The following DOCK8 variants were observed in gnomAD, a reference collection of about 807,000 sequenced individuals.
DOCK8 encodes the protein dedicator of cytokinesis 8.
DOCK8 carries 141 observed loss-of-function variants against 245.6 expected under a neutral mutation model. That is an observed-to-expected ratio of 0.57 (90% CI 0.50 to 0.66). The LOEUF (loss-of-function observed/expected upper bound fraction) is 0.66. Among genes scored for constraint, DOCK8 ranks in the 30% least tolerant of loss-of-function variants. DOCK8 has a pLI of 0.00. For synonymous variants in DOCK8, 1,168 were observed against 970.2 expected, an observed-to-expected ratio of 1.20 and a Z score of -3.79; for missense variants, 2,965 against 2,603.4, an observed-to-expected ratio of 1.14 and a Z score of -3.02.
intron 4 of DOCK8, among the ~76,000 whole-genome samples, chr9:303,937 T>C (rs1279535128): frequency 6.6e-6 from 1 of 152,250 alleles, no homozygotes; most frequent in Non-Finnish European, 1.5e-5. Context: ...TGTTGGTTTC[T>C]CTAGTCATCA....
chr9:346,472 C>T (rs886412006), intron 14 of DOCK8, among the ~76,000 whole-genome samples: 3 of 152,140 alleles, frequency 2.0e-5, no homozygotes, highest in South Asian at 2.1e-4. Context: ...AGCTCCCTGC[C>T]GTCCCTTTAA....
At chr9:213,302 G>T (rs1045788095), upstream of DOCK8, 7 of 152,128 alleles carry the variant, frequency 4.6e-5, no homozygotes, top group African/African-American at 1.4e-4. Context: ...AAGGAAGGCT[G>T]TATCAGGAAG....
chr9:271,455 T>C lies in DOCK8; in HGVS notation c.54-172T>C, dbSNP rs682251. 0.58 allele frequency among the ~76,000 whole-genome samples: 87,671 copies of C among 151,978 alleles called. 25,483 individuals carry two copies. The highest frequency in any genetic ancestry group is 0.79 in the East Asian group (4,087 of 5,156). On this transcript the variant is annotated intron_variant, in intron 1 of 47. Transcript: ENST00000432829. The stretch of plus-strand genomic sequence containing the variant: ...GAACTTCTCAAGGGTATGTATTATC[T>C]GACAAAAACTACGATGTCCACTAAC...
chr9:279,351 G>A (rs188642101), intron 2 of DOCK8, among the ~76,000 whole-genome samples: 5 of 152,326 alleles, frequency 3.3e-5, no homozygotes, highest in African/African-American at 1.2e-4. Flanking sequence ...AGTTGAGGCT[G>A]CAGATATAAA....
intron 1 of DOCK8, among the ~76,000 whole-genome samples, chr9:241,815 A>T (rs545665955): frequency 8.1e-4 from 124 of 152,182 alleles, no homozygotes; most frequent in African/African-American, 2.9e-3. Context: ...GAATAGGTAA[A>T]TTTTTTTCAA....
rs545155569 is a variant in DOCK8 at position 247,695 on chromosome 9, G to C, written c.54-23932G>C. On this transcript the variant is annotated intron_variant, in intron 1 of 47. Transcript: ENST00000432829. Reference sequence around the variant, plus strand: ...AATACAGGCACCCACCACCACGCCCGGCTAATTTTTTGTATTTTTTTTTAG... The same window carrying C: ...AATACAGGCACCCACCACCACGCCCCGCTAATTTTTTGTATTTTTTTTTAG... 1.3e-3 allele frequency among the ~76,000 whole-genome samples: 200 copies of C among 152,008 alleles called. 2 individuals carry two copies. The Middle Eastern group carries it at 0.024, about 18-fold the overall frequency.
At chr9:395,143 C>T (rs930437795) in intron 24 of DOCK8, among the ~76,000 whole-genome samples, 2 of 152,154 alleles carry the variant, frequency 1.3e-5, no homozygotes, top group Non-Finnish European at 2.9e-5. Context: ...TTCGGGTCTT[C>T]TCACCAGGTG....
chr9:293,745 CTG>C, intron 4 of DOCK8, among the ~76,000 whole-genome samples: 1 of 152,328 alleles, frequency 6.6e-6, no homozygotes, highest in South Asian at 2.1e-4. Flanking sequence ...TCCAGTTTTT[CTG>C]TGTCTTCATA....
At position 435,223 on chromosome 9, in the gene DOCK8, C is replaced by G. The variant is rs559921593; in HGVS notation, c.5079+248C>G. 1.4e-4 allele frequency among the ~76,000 whole-genome samples: 22 copies of G among 152,292 alleles called. 1 individual carries two copies. The South Asian group carries it at 4.4e-3, about 30-fold the overall frequency. On this transcript the variant is annotated intron_variant, in intron 39 of 47. Coordinates refer to ENST00000432829, the MANE Select transcript of DOCK8 (RefSeq NM_203447.4). Reference sequence around the variant, plus strand: ...TCTGTAGTGCTAAGGTTGAAAAATTCCAAGTTCATACATTACATTTGCTTC... The same window carrying G: ...TCTGTAGTGCTAAGGTTGAAAAATTGCAAGTTCATACATTACATTTGCTTC...
At chr9:387,273 C>G (rs1231876588) in intron 23 of DOCK8, among the ~76,000 whole-genome samples, 7 of 151,836 alleles carry the variant, frequency 4.6e-5, no homozygotes, top group African/African-American at 1.5e-4. Flanking sequence ...GTGAAACCCC[C>G]TCCTACTAAA....
intron 14 of DOCK8, among the ~76,000 whole-genome samples, chr9:360,309 C>T (rs1015101093): frequency 6.8e-6 from 1 of 146,970 alleles, no homozygotes; most frequent in Non-Finnish European, 1.5e-5. Context: ...GAGCAAGACT[C>T]CATCTCAAAA....
At chr9:244,524 T>A (rs1034322610) in intron 1 of DOCK8, among the ~76,000 whole-genome samples, 1 of 152,160 alleles carries the variant, frequency 6.6e-6, no homozygotes, top group African/African-American at 2.4e-5. Context: ...ATCATGTGAT[T>A]GCCTACTTAA....
At chr9:438,600 T>C (rs944395796) in intron 39 of DOCK8, among the ~76,000 whole-genome samples, 22 of 152,232 alleles carry the variant, frequency 1.4e-4, no homozygotes, top group Non-Finnish European at 2.4e-4. Context: ...AAATTTTGTC[T>C]TGGGTTTCTC....
Position 252,119 on chromosome 9 carries a change from A to G in DOCK8, c.54-19508A>G, listed in dbSNP as rs148531540. 6.3e-3 allele frequency among the ~76,000 whole-genome samples: 951 copies of G among 151,914 alleles called. 6 individuals carry two copies. Among genetic ancestry groups the G allele is most frequent in the African/African-American group, 0.021 (888 of 41,418 alleles). On this transcript the variant is annotated intron_variant, in intron 1 of 47. Transcript: ENST00000432829. ...CTCCTGAGTAGCTGGGGCTACAGGC[A>G]TATGCCACCATGCCCGGCTAATTTT...
At chr9:307,266 A>G (rs4741775) in intron 5 of DOCK8, among the ~76,000 whole-genome samples, 114,790 of 150,832 alleles carry the variant, frequency 0.76, 43,855 homozygotes, top group East Asian at 0.84. Flanking sequence ...ACCAGCGTAC[A>G]CACAAAGCAC....
chr9:376,177 A>G, intron 18 of DOCK8, 33 bp from the exon 19 acceptor site: 1 of 1,465,370 alleles, frequency 6.8e-7, no homozygotes, highest in Non-Finnish European at 9.6e-7. Flanking sequence ...AGGGAATTGG[A>G]TTGCTAATCT....
At chr9:385,774 A>C (rs941685479) in intron 22 of DOCK8, among the ~76,000 whole-genome samples, 23 of 152,254 alleles carry the variant, frequency 1.5e-4, no homozygotes, top group Non-Finnish European at 7.3e-5. Flanking sequence ...CCAGGAAAGA[A>C]GTGGTCTGCA....
intron 14 of DOCK8, among the ~76,000 whole-genome samples, chr9:346,542 C>T (rs966309464): frequency 6.6e-6 from 1 of 152,158 alleles, no homozygotes; most frequent in African/African-American, 2.4e-5. Context: ...CTTCAGCCCC[C>T]GAGAGCCTCT....
At chr9:328,270 A>G (rs369171982) in intron 9 of DOCK8, 99 bp downstream of exon 9, 97 of 1,410,632 alleles carry the variant, frequency 6.9e-5, no homozygotes, top group Non-Finnish European at 9.1e-5. Context: ...ATGTGTCCAC[A>G]TATCCTCTGA....
Sources: gnomAD v4.1 joint callset for allele counts (sites outside exome capture counted in the v4.1 genomes callset) on GRCh38, gnomAD v4.1.1 for gene constraint, MANE v1.5 for transcripts, NCBI Gene and HGNC (gene_info 2026-07-23, HGNC 2026-07-21) for gene names.